GLP1R: variants seen among roughly 807,000 people sequenced by gnomAD.
The protein encoded by GLP1R is glucagon-like peptide 1 receptor.
A neutral mutation model predicts 68.4 loss-of-function variants in GLP1R; 32 were observed. The observed-to-expected ratio is 0.47, with a 90% CI of 0.35 to 0.63. GLP1R has a LOEUF of 0.63. GLP1R is among the 20% of genes least tolerant of loss of function. The probability of loss-of-function intolerance (pLI) is 0.00; values close to 1 mark genes in which losing one functional copy is unlikely to be tolerated. For missense variants in GLP1R, 502 were observed against 594.9 expected (o/e 0.84, Z 1.62); for synonymous variants, 263 against 244.4 (o/e 1.08, Z -0.71).
intron 5 of GLP1R, among the ~76,000 whole-genome samples, chr6:39,068,407 C>G (rs889722690): frequency 6.6e-6 from 1 of 152,266 alleles, no homozygotes; most frequent in South Asian, 2.1e-4. Flanking sequence ...ATCTTGCCCC[C>G]CATGACTCTG....
chr6:39,060,999 G>C (rs1331478535), intron 3 of GLP1R, among the ~76,000 whole-genome samples: 1 of 152,198 alleles, frequency 6.6e-6, no homozygotes, highest in African/African-American at 2.4e-5. Flanking sequence ...CCAGGGACAG[G>C]TGACACTGGG....
intron 12 of GLP1R, among the ~76,000 whole-genome samples, chr6:39,083,796 T>G (rs1769076240): frequency 6.6e-6 from 1 of 151,912 alleles, no homozygotes; most frequent in Non-Finnish European, 1.5e-5. Context: ...AAAAATCCGA[T>G]GGTGGAGGAG....
At position 39,078,378 on chromosome 6, in the gene GLP1R, G is replaced by A. The variant is rs202152738; in HGVS notation, c.880G>A (p.Glu294Lys). The part of the protein sequence containing the change: ...WGIVKYLYED[E>K]GCWTRNSNMN... The stretch of plus-strand genomic sequence containing the variant: ...CATTGTCAAGTACCTCTATGAGGAC[G>A]AGGGGTGAGTGTCCTGCTCCAAGGG... Residue 294 changes from glutamate (E) to lysine (K), a missense_variant, in exon 8 of 13, where the codon GAG becomes AAG. Coordinates refer to ENST00000373256, the MANE Select transcript of GLP1R (RefSeq NM_002062.5). The A allele has an allele frequency of 4.3e-5, 69 of 1,608,144 alleles. No homozygotes were observed. The highest frequency in any genetic ancestry group is 3.3e-4 in the East Asian group (15 of 44,838).
chr6:39,074,510 A>C (rs1471149565), intron 7 of GLP1R: 1 of 152,180 alleles, frequency 6.6e-6, no homozygotes, highest in East Asian at 1.9e-4. Flanking sequence ...CACGGTACCC[A>C]GAGAATAGGC....
At chr6:39,065,630 TG>T (rs1254194321) in intron 3 of GLP1R, 80 bp from the exon 4 acceptor site, 2 of 797,096 alleles carry the variant, frequency 2.5e-6, no homozygotes, top group Non-Finnish European at 2.1e-6. Context: ...GCCCTCAGAA[TG>T]GGGAGGAAGG....
At chr6:39,058,642 T>TAGCATCCTCATCATC in intron 3 of GLP1R, among the ~76,000 whole-genome samples, 1 of 149,996 alleles carries the variant, frequency 6.7e-6, no homozygotes, top group South Asian at 2.2e-4. Context: ...GATATTTCCC[T>TAGCATCCTCATCATC]ATCATCATCA....
intron 1 of GLP1R, among the ~76,000 whole-genome samples, chr6:39,053,108 G>A (rs1768124722): frequency 6.6e-6 from 1 of 152,158 alleles, no homozygotes; most frequent in South Asian, 2.1e-4. Context: ...CTGCCATCCT[G>A]CCCTTCCCAT....
intron 7 of GLP1R, among the ~76,000 whole-genome samples, chr6:39,077,769 A>G (rs1400783221): frequency 2.0e-5 from 3 of 152,156 alleles, no homozygotes; most frequent in Admixed American, 6.5e-5. Context: ...GCCACTGCGG[A>G]CAGTTAGTTG....
intron 12 of GLP1R, among the ~76,000 whole-genome samples, chr6:39,082,701 G>T (rs1403981818): frequency 2.0e-5 from 3 of 152,142 alleles, no homozygotes; most frequent in African/African-American, 7.2e-5. Flanking sequence ...GCTGGGTGAT[G>T]CGCTACCCAG....
chr6:39,068,491 A>C (rs1252668039), intron 5 of GLP1R, among the ~76,000 whole-genome samples: 2 of 152,194 alleles, frequency 1.3e-5, no homozygotes, highest in African/African-American at 2.4e-5. Flanking sequence ...ATTTATTAGA[A>C]ACCTCCACTC....
intron 1 of GLP1R, among the ~76,000 whole-genome samples, chr6:39,052,949 C>T (rs1003591739): frequency 1.3e-5 from 2 of 152,166 alleles, no homozygotes; most frequent in African/African-American, 2.4e-5. Flanking sequence ...TCCTGGTGTC[C>T]TCTTTCCTGT....
chr6:39,077,784 G>A (rs1768869386), intron 7 of GLP1R, among the ~76,000 whole-genome samples: 1 of 152,218 alleles, frequency 6.6e-6, no homozygotes, highest in Admixed American at 6.5e-5. Context: ...TAGTTGGTCA[G>A]CTGGCATCAA....
chr6:39,056,827 T>A (rs776395765), intron 2 of GLP1R, among the ~76,000 whole-genome samples: 4 of 152,202 alleles, frequency 2.6e-5, no homozygotes, highest in Non-Finnish European at 5.9e-5. Context: ...TATCTGTGTG[T>A]CCTTCCCTGC....
At chr6:39,056,569 T>C (rs1768219959) in intron 2 of GLP1R, 76 bp downstream of exon 2, 2 of 773,904 alleles carry the variant, frequency 2.6e-6, no homozygotes, top group Admixed American at 2.0e-5. Flanking sequence ...GAACTCAATG[T>C]CCATGGCTGG....
rs766812428 is a variant in GLP1R at position 39,048,837 on chromosome 6, C to T, written c.-4C>T. 5 of 1,445,988 alleles carry T rather than the reference C, an allele frequency of 3.5e-6. No homozygotes were observed. The South Asian group carries it at 5.0e-5, about 14-fold the overall frequency. The allele number at this position is 1,445,988 out of a possible 1,614,324, so 89.6% of individuals were successfully genotyped here. A position where few individuals can be genotyped will look rare whatever the true frequency, so the allele number is the denominator to read the frequency against. ...AGCGATGGCCCAGTCCTGAACTCCC[C>T]GCCATGGCCGGCGCCCCCGGCCCGC... On this transcript the variant is annotated 5_prime_UTR_variant, in exon 1 of 13. Transcript: ENST00000373256.
rs372291735 is a variant in GLP1R, at chr6:39,080,792, C to G, written c.1224+53C>G. 43 of 1,163,076 alleles carry G rather than the reference C, an allele frequency of 3.7e-5. 1 individual carries two copies. The highest frequency in any genetic ancestry group is 3.9e-5 in the Non-Finnish European group (31 of 799,920). 72.0% of individuals were successfully genotyped at this position (1,163,076 alleles called of 1,614,324 possible). On this transcript the variant is annotated intron_variant, in intron 12 of 12. Coordinates refer to ENST00000373256, the MANE Select transcript of GLP1R (RefSeq NM_002062.5). ...CCCTGGTGGGTGGGTACCATCAGCCCGTCTGGAGTAGTACAATGGGGACTC... is the reference window on the plus strand; with the variant it reads ...CCCTGGTGGGTGGGTACCATCAGCCGGTCTGGAGTAGTACAATGGGGACTC...
chr6:39,076,377 T>C (rs562039493), intron 7 of GLP1R, among the ~76,000 whole-genome samples: 1 of 152,300 alleles, frequency 6.6e-6, no homozygotes, highest in African/African-American at 2.4e-5. Flanking sequence ...TAAAGGCCTG[T>C]TACTAAAGCA....
At chr6:39,066,111 G>T in intron 4 of GLP1R, 86 bp from the exon 5 acceptor site, 1 of 785,918 alleles carries the variant, frequency 1.3e-6, no homozygotes. Flanking sequence ...TGGGGCCCCA[G>T]CTCTGTCTCT....
chr6:39,065,860 G>A (rs1392013893), intron 4 of GLP1R, 31 bp downstream of exon 4: 1 of 1,350,824 alleles, frequency 7.4e-7, no homozygotes, highest in Middle Eastern at 1.8e-4. Flanking sequence ...GAGCCAGGGA[G>A]CGGGGAGCCA....
Sources: allele counts gnomAD v4.1 joint callset (sites outside exome capture counted in the v4.1 genomes callset), GRCh38; gene constraint gnomAD v4.1.1; transcripts MANE v1.5; gene names NCBI Gene and HGNC (gene_info 2026-07-23, HGNC 2026-07-21).